BLTP1: variants seen among roughly 807,000 people sequenced by gnomAD.
The protein encoded by BLTP1 is bridge-like lipid transfer protein family member 1.
At chr4:122,347,489 G>T in the BLTP1 span, 2 of 1,587,998 alleles carry the variant, frequency 1.3e-6, no homozygotes, top group East Asian at 4.5e-5. Context: ...TGTTACTTTG[G>T]ATTTTTTGTT....
the BLTP1 span, chr4:122,222,038 A>C: frequency 3.0e-6 from 1 of 332,964 alleles, no homozygotes; most frequent in Admixed American, 6.5e-5. Flanking sequence ...TTTGGGGATT[A>C]GAGAAGGAGT....
chr4:122,348,183 G>A, the BLTP1 span, among the ~76,000 whole-genome samples: 2 of 152,048 alleles, frequency 1.3e-5, no homozygotes, highest in South Asian at 2.1e-4. Context: ...CACCCCAACC[G>A]GCATCTGCAT....
the BLTP1 span, chr4:122,341,882 G>C: frequency 5.6e-6 from 5 of 895,308 alleles, no homozygotes; most frequent in Non-Finnish European, 6.7e-6. Flanking sequence ...TAGCGAAGCA[G>C]AGAACTGGGG....
the BLTP1 span, chr4:122,269,681 G>T: frequency 2.0e-6 from 2 of 985,106 alleles, no homozygotes; most frequent in African/African-American, 3.5e-5. Flanking sequence ...ATATTAGTTT[G>T]GGGTTACAGT....
At chr4:122,258,802 T>G in the BLTP1 span, 3 of 1,613,846 alleles carry the variant, frequency 1.9e-6, no homozygotes, top group Admixed American at 3.3e-5. Context: ...GAGGAAACTT[T>G]CTAAAACTCA....
chr4:122,345,627 A>C, the BLTP1 span, among the ~76,000 whole-genome samples: 12 of 151,226 alleles, frequency 7.9e-5, no homozygotes, highest in Non-Finnish European at 1.5e-4. Flanking sequence ...CATGATAAAG[A>C]ATTGGGTTCT....
the BLTP1 span, chr4:122,178,145 A>T: frequency 1.2e-6 from 1 of 848,482 alleles, no homozygotes; most frequent in Non-Finnish European, 1.4e-6. Flanking sequence ...GGCATAATAA[A>T]CCTAAAATAT....
At chr4:122,216,059 G>A in the BLTP1 span, among the ~76,000 whole-genome samples, 1 of 151,486 alleles carries the variant, frequency 6.6e-6, no homozygotes, top group Non-Finnish European at 1.5e-5. Flanking sequence ...ATATATATGT[G>A]TGTGTGTGTG....
At chr4:122,182,656 A>T in the BLTP1 span, 2 of 985,394 alleles carry the variant, frequency 2.0e-6, no homozygotes, top group Non-Finnish European at 2.4e-6. Flanking sequence ...GCAGAACTTT[A>T]TTGTCAAACC....
chr4:122,200,954 C>T, the BLTP1 span: 6 of 1,583,454 alleles, frequency 3.8e-6, no homozygotes, highest in African/African-American at 5.4e-5. Flanking sequence ...TAATGCTGTT[C>T]ACACAGTGTC....
At chr4:122,269,490 C>G in the BLTP1 span, 1 of 985,208 alleles carries the variant, frequency 1.0e-6, no homozygotes, top group African/African-American at 1.7e-5. Context: ...CTCCGATGCT[C>G]CACATTCTTA....
the BLTP1 span, chr4:122,224,992 A>T: frequency 9.6e-7 from 1 of 1,042,316 alleles, no homozygotes; most frequent in Non-Finnish European, 1.2e-6. Flanking sequence ...TATTAAAATT[A>T]TATTACTTGG....
chr4:122,285,898 G>A, the BLTP1 span, among the ~76,000 whole-genome samples: 1 of 151,980 alleles, frequency 6.6e-6, no homozygotes, highest in Non-Finnish European at 1.5e-5. Context: ...TAGTAAAGCT[G>A]GTATATTTAT....
chr4:122,318,080 G>A, the BLTP1 span: 27 of 1,486,124 alleles, frequency 1.8e-5, no homozygotes, highest in Non-Finnish European at 2.3e-5. Context: ...TTAAAAAGGA[G>A]CAAGTAAAAA....
the BLTP1 span, among the ~76,000 whole-genome samples, chr4:122,321,650 C>G: frequency 1.3e-5 from 2 of 151,730 alleles, no homozygotes; most frequent in South Asian, 4.1e-4. Context: ...AAAGGTTTTA[C>G]CTTCATTTCT....
At chr4:122,247,227 T>C in the BLTP1 span, 1 of 1,613,562 alleles carries the variant, frequency 6.2e-7, no homozygotes, top group Non-Finnish European at 8.5e-7. Context: ...GGTATGTTCA[T>C]GCCACAAAGA....
the BLTP1 span, chr4:122,274,241 A>C: frequency 1.4e-6 from 1 of 732,580 alleles, no homozygotes. Flanking sequence ...CTTTAAAATT[A>C]TCTTTTGCTA....
the BLTP1 span, chr4:122,310,907 C>G: frequency 1.1e-6 from 1 of 933,048 alleles, no homozygotes. Flanking sequence ...TGCCTATTAT[C>G]CAAAAGACCA....
chr4:122,172,121 T>C, the BLTP1 span: 292,435 of 297,474 alleles, frequency 0.98, 143,966 homozygotes, highest in South Asian at 1. Context: ...GCACTTGCTA[T>C]GTCAAAGCTA....
Sources: allele counts gnomAD v4.1 joint callset (sites outside exome capture counted in the v4.1 genomes callset), GRCh38; gene constraint gnomAD v4.1.1; transcripts MANE v1.5; gene names NCBI Gene and HGNC (gene_info 2026-07-23, HGNC 2026-07-21).